The following NAT10 variants were observed in gnomAD, a reference collection of about 807,000 sequenced individuals.
The protein encoded by NAT10 is N-acetyltransferase 10.
NAT10 carries 109 observed loss-of-function variants against 132.2 expected under a neutral mutation model. The observed-to-expected ratio is 0.82, with a 90% CI of 0.71 to 0.97. The LOEUF (loss-of-function observed/expected upper bound fraction) is 0.97. Among genes scored for constraint, NAT10 ranks in the 50% least tolerant of loss-of-function variants. The pLI, the probability that NAT10 is intolerant of heterozygous loss-of-function variation, is 0.00. For missense variants in NAT10, 1,184 were observed against 1,263.4 expected, an observed-to-expected ratio of 0.94 and a Z score of 0.95; for synonymous variants, 479 against 478.0, an observed-to-expected ratio of 1.00 and a Z score of -0.03.
intron 26 of NAT10, 82 bp downstream of exon 26, chr11:34,141,899 C>T (rs919991378): frequency 1.7e-6 from 2 of 1,197,656 alleles, no homozygotes; most frequent in Non-Finnish European, 2.4e-6. Flanking sequence ...TCTTCCCCTT[C>T]CCCTTTAGAA....
Position 34,146,303 on chromosome 11 carries a change from C to G in NAT10, c.*111C>G. 1 of 784,812 alleles carries G rather than the reference C, an allele frequency of 1.3e-6. No individual in the cohort carries two copies. Among genetic ancestry groups the G allele is most frequent in the Non-Finnish European group, 2.0e-6 (1 of 502,198 alleles). 48.6% of individuals were successfully genotyped at this position (784,812 alleles called of 1,614,324 possible). ...CGAGAGGCCCCGGCACACCTGGAAGCTGGCCGCGAATTCGGCCTCTGGGCC... is the reference window on the plus strand; with the variant it reads ...CGAGAGGCCCCGGCACACCTGGAAGGTGGCCGCGAATTCGGCCTCTGGGCC... On this transcript the variant is annotated 3_prime_UTR_variant, in exon 29 of 29. Transcript: ENST00000257829.
chr11:34,137,156 G>T, intron 21 of NAT10, 130 bp downstream of exon 21: 1 of 946,376 alleles, frequency 1.1e-6, no homozygotes, highest in Non-Finnish European at 1.7e-6. Context: ...CTCTGAAGAG[G>T]TTTATTCTGA....
rs59489457 is a variant in NAT10, at chr11:34,141,408, TCACACACACACACA to T, written c.2712+230_2712+243del. ...TGTGTTTGCTGCATCTCATCACACA[TCACACACACACACA>T]CACACACACACACACACACACACAC... On this transcript the variant is annotated intron_variant, in intron 25 of 28. Transcript: ENST00000257829. Among the ~76,000 whole-genome samples, 215 of 132,958 alleles carry T rather than the reference TCACACACACACACA, an allele frequency of 1.6e-3. 2 individuals are homozygous for T. Among genetic ancestry groups the T allele is most frequent in the African/African-American group, 5.4e-3 (190 of 35,186 alleles). 87.2% of individuals were successfully genotyped at this position (132,958 alleles called of 152,430 possible). A position where few individuals can be genotyped will look rare whatever the true frequency, so the allele number is the denominator to read the frequency against.
intron 24 of NAT10, 60 bp from the exon 25 acceptor site, chr11:34,141,029 C>A (rs1852318077): frequency 1.2e-6 from 2 of 1,608,394 alleles, no homozygotes; most frequent in Non-Finnish European, 1.7e-6. Flanking sequence ...GTTCTTGGCG[C>A]CATTTTAATG....
In NAT10 at chr11:34,139,417, T is replaced by G; in HGVS notation, c.2341T>G (p.Tyr781Asp). The change falls in exon 23 of 29, where the codon TAC becomes GAC. Residue 781 changes from tyrosine to aspartate, a missense_variant. Physicochemically the swap from Tyr to Asp is radical, Grantham distance 160 (BLOSUM62 -3). Transcript: ENST00000257829. ...ACGGCGGTTCCTAGCCTTGCTCTCC[T>G]ACCAGTTCAGTACCTTCTCTCCTTC... ...FRRRFLALLS[Y>D]QFSTFSPSLA... 6.2e-7 allele frequency: 1 copy of G among 1,614,144 alleles called. No individual in the cohort carries two copies. Among genetic ancestry groups the G allele is most frequent in the Non-Finnish European group, 8.5e-7 (1 of 1,180,022 alleles).
At chr11:34,120,042 C>A (rs1001847362) in intron 8 of NAT10, among the ~76,000 whole-genome samples, 1 of 151,604 alleles carries the variant, frequency 6.6e-6, no homozygotes, top group Non-Finnish European at 1.5e-5. Context: ...AACATAGGAC[C>A]GTTTTAATTT....
Position 34,124,382 on chromosome 11 carries a change from A to C in NAT10, c.1089A>C (p.Glu363Asp), listed in dbSNP as rs376062963. 11 of 1,613,568 alleles carry C rather than the reference A, an allele frequency of 6.8e-6. No homozygotes were observed. In the African/African-American group the frequency reaches 1.5e-4, roughly 22 times the overall value. The change falls in exon 11 of 29, where the codon GAA becomes GAC. Residue 363 changes from glutamate (E) to aspartate (D), a missense_variant. Glu to Asp is a conservative substitution (Grantham distance 45). Transcript: ENST00000257829. Reference sequence around the variant, plus strand: ...TGATCAGAGTGAATGTATTTCGAGAACACAGGCAGACTATTCAGGTGAGGC... The same window carrying C: ...TGATCAGAGTGAATGTATTTCGAGACCACAGGCAGACTATTCAGGTGAGGC... ...KAVIRVNVFREHRQTIQYIHP... is the reference protein window; with the variant it reads ...KAVIRVNVFRDHRQTIQYIHP...
intron 16 of NAT10, 65 bp downstream of exon 16, chr11:34,133,207 G>A (rs1179384618): frequency 8.1e-7 from 1 of 1,239,926 alleles, no homozygotes; most frequent in African/African-American, 1.5e-5. Context: ...AGGAATTAGT[G>A]GCTTAATAAC....
chr11:34,123,945 G>C, intron 10 of NAT10, 90 bp downstream of exon 10: 1 of 999,982 alleles, frequency 1.0e-6, no homozygotes. Context: ...CGACGCGGGC[G>C]GATCACCTGA....
At chr11:34,111,779 A>G (rs531490427) in intron 3 of NAT10, among the ~76,000 whole-genome samples, 36 of 152,338 alleles carry the variant, frequency 2.4e-4, no homozygotes, top group African/African-American at 7.7e-4. Flanking sequence ...TAGCTACCCT[A>G]TTACCCATCT....
At chr11:34,107,989 A>C (rs1851625018) in intron 1 of NAT10, among the ~76,000 whole-genome samples, 1 of 152,232 alleles carries the variant, frequency 6.6e-6, no homozygotes, top group Non-Finnish European at 1.5e-5. Flanking sequence ...GAGGTGAATT[A>C]CAGGCTTTCC....
chr11:34,143,219 A>T (rs1473660470), intron 27 of NAT10, among the ~76,000 whole-genome samples: 1 of 152,082 alleles, frequency 6.6e-6, no homozygotes, highest in Non-Finnish European at 1.5e-5. Context: ...AGGCCTGGTG[A>T]CCCTCGCTCC....
chr11:34,122,487 G>C lies in NAT10; in HGVS notation c.809G>C (p.Gly270Ala), dbSNP rs748712610. 1 of 1,614,180 alleles carries C rather than the reference G, an allele frequency of 6.2e-7. No homozygotes were observed. Among genetic ancestry groups the C allele is most frequent in the Non-Finnish European group, 8.5e-7 (1 of 1,180,030 alleles). ...QAKAVLKFIE[G>A]ISEKTLRSTV... is the part of the protein sequence containing the mutation. ...AAAGCTGTCTTGAAATTTATCGAGG[G>C]CATCTCTGAAAAGACCCTGAGGAGT... The change falls in exon 9 of 29, where the codon GGC becomes GCC. Residue 270 changes from glycine to alanine, a missense_variant. By Grantham distance (60) the Gly-to-Ala change is moderately conservative (BLOSUM62 0). Coordinates refer to ENST00000257829, the MANE Select transcript of NAT10 (RefSeq NM_024662.3).
At chr11:34,141,408 TCACACACA>T (rs59489457) in intron 25 of NAT10, among the ~76,000 whole-genome samples, 200 bp downstream of exon 25, 2,615 of 132,842 alleles carry the variant, frequency 0.02, 58 homozygotes, top group African/African-American at 0.053. Flanking sequence ...TCATCACACA[TCACACACA>T]CACACACACA....
At chr11:34,115,424 T>C (rs1396654015) in intron 5 of NAT10, among the ~76,000 whole-genome samples, 1 of 152,240 alleles carries the variant, frequency 6.6e-6, no homozygotes, top group Non-Finnish European at 1.5e-5. Context: ...CCGTGCAGTC[T>C]ATATTTCATA....
intron 26 of NAT10, 73 bp from the exon 27 acceptor site, chr11:34,142,202 C>T: frequency 7.1e-7 from 1 of 1,411,594 alleles, no homozygotes; most frequent in Non-Finnish European, 1.0e-6. Context: ...CATTCCACCC[C>T]AGCTTCACCT....
intron 13 of NAT10, 71 bp downstream of exon 13, chr11:34,131,008 C>G: frequency 6.3e-7 from 1 of 1,578,576 alleles, no homozygotes; most frequent in Non-Finnish European, 8.6e-7. Flanking sequence ...CCTCGCTTCC[C>G]CTGTGACATC....
At chr11:34,131,673 CT>C (rs376895504) in intron 14 of NAT10, 142 bp downstream of exon 14, 24,367 of 632,436 alleles carry the variant, frequency 0.039, 1 homozygote, top group East Asian at 0.066. Flanking sequence ...TTTTCTCTTC[CT>C]TTTTTTTTTT....
intron 15 of NAT10, 43 bp from the exon 16 acceptor site, chr11:34,132,983 A>C: frequency 6.6e-6 from 10 of 1,513,402 alleles, no homozygotes; most frequent in African/African-American, 1.4e-5. Context: ...GTAAAGGGCA[A>C]GAGGAAGAGT....
Sources: gnomAD v4.1 joint callset for allele counts (sites outside exome capture counted in the v4.1 genomes callset) on GRCh38, gnomAD v4.1.1 for gene constraint, MANE v1.5 for transcripts, NCBI Gene and HGNC (gene_info 2026-07-23, HGNC 2026-07-21) for gene names.